The following EEA1 variants were observed in gnomAD, a reference collection of about 807,000 sequenced individuals.
The protein encoded by EEA1 is early endosome antigen 1, also known as early endosome antigen 1, 162kD.
EEA1 carries 111 observed loss-of-function variants against 209.2 expected under a neutral mutation model. That is an observed-to-expected ratio of 0.53 (90% CI 0.45 to 0.62). The LOEUF (loss-of-function observed/expected upper bound fraction) is 0.62. Among genes scored for constraint, EEA1 ranks in the 20% least tolerant of loss-of-function variants. The pLI, the probability that EEA1 is intolerant of heterozygous loss-of-function variation, is 0.00. For missense variants in EEA1, 1,343 were observed against 1,530.8 expected, an observed-to-expected ratio of 0.88 and a Z score of 2.05; for synonymous variants, 536 against 540.6, an observed-to-expected ratio of 0.99 and a Z score of 0.12.
intron 23 of EEA1, 87 bp downstream of exon 23, chr12:92,781,863 C>A: frequency 8.2e-7 from 1 of 1,223,778 alleles, no homozygotes; most frequent in Non-Finnish European, 1.1e-6. Flanking sequence ...AAGGATGATG[C>A]CTGTACTAAA....
chr12:92,820,755 GTATATA>G (rs34228902), intron 13 of EEA1, among the ~76,000 whole-genome samples: 8 of 147,730 alleles, frequency 5.4e-5, no homozygotes, highest in African/African-American at 1.7e-4. Context: ...AGAGCTTAAA[GTATATA>G]TATATATATA....
rs540914190 is a variant in EEA1, at chr12:92,912,708, C to T, written c.24+16335G>A. On this transcript the variant is annotated intron_variant, in intron 1 of 28. Transcript: ENST00000322349. ...AGGTAATTTTTCATCCCTCACTCTC[C>T]TCCCACCCTCACCCTTTCCCCATTT... Among the ~76,000 whole-genome samples the T allele has an allele frequency of 4.6e-5, 7 of 152,220 alleles. No homozygotes were observed. In the South Asian group the frequency reaches 8.3e-4, roughly 18 times the overall value.
rs1201435365 is a variant in EEA1 at position 92,830,288 on chromosome 12, C to T, written c.1254+2224G>A. On this transcript the variant is annotated intron_variant, in intron 11 of 28. Transcript: ENST00000322349. The stretch of plus-strand genomic sequence containing the variant: ...CATTACCTAGGTAATAAACATAGTA[C>T]CCAATAGGCAGTTTTTCGATCCTCA... 2.0e-5 allele frequency among the ~76,000 whole-genome samples: 3 copies of T among 151,970 alleles called. No homozygotes were observed. The East Asian group carries it at 5.8e-4, about 29-fold the overall frequency.
In EEA1 at chr12:92,852,935, G is replaced by T. The variant is rs754957795; in HGVS notation, c.497C>A (p.Ala166Asp). The stretch of plus-strand genomic sequence containing the variant: ...ACCTGCAATTTCAGTAGCAAGTTGG[G>T]CTGCTTTCTGTTCAAATAAGTCTTT... ...QMKDLFEQKA[A>D]QLATEIADIK... The change falls in exon 7 of 29, where the codon GCC becomes GAC. Residue 166 changes from alanine (A) to aspartate (D), a missense_variant. Ala to Asp is a moderately radical substitution (Grantham distance 126). Transcript: ENST00000322349. The T allele has an allele frequency of 6.2e-7, 1 of 1,610,342 alleles. No individual in the cohort carries two copies. The highest frequency in any genetic ancestry group is 1.3e-5 in the African/African-American group (1 of 74,864).
At chr12:92,809,224 T>C (rs1875364060) in intron 17 of EEA1, 68 bp from the exon 18 acceptor site, 6 of 1,227,632 alleles carry the variant, frequency 4.9e-6, no homozygotes, top group East Asian at 2.9e-5. Context: ...TTAAATACTA[T>C]AACATTTTTG....
At chr12:92,776,502 T>C (rs1055222326) in intron 28 of EEA1, among the ~76,000 whole-genome samples, 20 of 151,910 alleles carry the variant, frequency 1.3e-4, no homozygotes, top group African/African-American at 4.6e-4. Context: ...ATTAACACAA[T>C]GGTAGTATTT....
chr12:92,831,882 G>A (rs916459994), intron 11 of EEA1, among the ~76,000 whole-genome samples: 4 of 149,808 alleles, frequency 2.7e-5, no homozygotes, highest in Non-Finnish European at 4.5e-5. Context: ...TCAGGAGATC[G>A]AGACCATCCT....
intron 22 of EEA1, 134 bp from the exon 23 acceptor site, chr12:92,782,269 G>A (rs561917376): frequency 2.0e-6 from 1 of 496,988 alleles, no homozygotes; most frequent in East Asian, 3.4e-5. Context: ...AGTAAGACAG[G>A]TAAAAGAGAA....
intron 1 of EEA1, among the ~76,000 whole-genome samples, chr12:92,927,562 C>G (rs1881257251): frequency 6.6e-6 from 1 of 152,156 alleles, no homozygotes; most frequent in East Asian, 1.9e-4. Context: ...GCTGAGCTAC[C>G]CTTAAACCAG....
At chr12:92,815,765 T>C (rs1875749307) in intron 15 of EEA1, among the ~76,000 whole-genome samples, 1 of 151,970 alleles carries the variant, frequency 6.6e-6, no homozygotes, top group South Asian at 2.1e-4. Flanking sequence ...AAAATCAAAG[T>C]CAAAAAAATA....
At chr12:92,854,184 G>A (rs1877760688) in intron 5 of EEA1, among the ~76,000 whole-genome samples, 1 of 151,980 alleles carries the variant, frequency 6.6e-6, no homozygotes, top group Non-Finnish European at 1.5e-5. Flanking sequence ...AGATTTTTTT[G>A]TATGTTAATA....
chr12:92,778,272 G>C (rs1873749066), intron 25 of EEA1, 93 bp from the exon 26 acceptor site: 1 of 956,486 alleles, frequency 1.0e-6, no homozygotes, highest in Non-Finnish European at 1.6e-6. Context: ...CTGGCAATTT[G>C]CTTCTTCGGG....
rs1203097290 is a variant in EEA1 at position 92,777,635 on chromosome 12, T to C, written c.3922A>G (p.Lys1308Glu). The change falls in exon 27 of 29, where the codon AAG (lysine) becomes GAG (glutamate). Residue 1308 changes from lysine (K) to glutamate (E), a missense_variant. By Grantham distance (56) the Lys-to-Glu change is moderately conservative. Transcript: ENST00000322349. ...AATTCTAATACTTTGGTTTGAAGCT[T>C]TTCTATTTCACCTTCTCCTTTAAGA... ...RCLKGEGEIE[K>E]LQTKVLELQR... 2 of 1,611,924 alleles carry C rather than the reference T, an allele frequency of 1.2e-6. No individual in the cohort carries two copies. Among genetic ancestry groups the C allele is most frequent in the Non-Finnish European group, 1.7e-6 (2 of 1,178,794 alleles).
chr12:92,829,208 G>A (rs1442770974), intron 11 of EEA1, among the ~76,000 whole-genome samples: 1 of 152,180 alleles, frequency 6.6e-6, no homozygotes, highest in Non-Finnish European at 1.5e-5. Context: ...TCAGGAGGCT[G>A]TGGCAGGAGA....
At chr12:92,883,558 C>A (rs1051699392) in intron 2 of EEA1, among the ~76,000 whole-genome samples, 2 of 152,086 alleles carry the variant, frequency 1.3e-5, no homozygotes, top group Non-Finnish European at 2.9e-5. Flanking sequence ...ACATTTAAAT[C>A]TTTAATCTAT....
At chr12:92,849,098 C>T (rs1487339992) in intron 9 of EEA1, among the ~76,000 whole-genome samples, 1 of 152,126 alleles carries the variant, frequency 6.6e-6, no homozygotes, top group Non-Finnish European at 1.5e-5. Flanking sequence ...AAAGTATATG[C>T]ATAACTCCAA....
At chr12:92,922,711 G>C (rs1344808664) in intron 1 of EEA1, among the ~76,000 whole-genome samples, 2 of 152,134 alleles carry the variant, frequency 1.3e-5, no homozygotes, top group Non-Finnish European at 2.9e-5. Context: ...CCAGCACTTT[G>C]GGAAGCCGAG....
intron 22 of EEA1, among the ~76,000 whole-genome samples, chr12:92,783,903 A>T (rs1874015104): frequency 6.6e-6 from 1 of 151,884 alleles, no homozygotes; most frequent in South Asian, 2.1e-4. Context: ...GCTTGTATAC[A>T]GCAAGTACTC....
At chr12:92,822,087 G>A (rs1028792145) in intron 13 of EEA1, among the ~76,000 whole-genome samples, 17 of 151,148 alleles carry the variant, frequency 1.1e-4, no homozygotes, top group Admixed American at 7.3e-4. Flanking sequence ...CTTTCCTCAA[G>A]CTTCAGTGGA....
Sources: allele counts gnomAD v4.1 joint callset (sites outside exome capture counted in the v4.1 genomes callset), GRCh38; gene constraint gnomAD v4.1.1; transcripts MANE v1.5; gene names NCBI Gene and HGNC (gene_info 2026-07-23, HGNC 2026-07-21).